The following BRSK2 variants were observed in gnomAD, a reference collection of about 807,000 sequenced individuals.
The protein encoded by BRSK2 is BR serine/threonine kinase 2, also known as serine/threonine-protein kinase BRSK2.
BRSK2 carries 19 observed loss-of-function variants against 83.3 expected under a neutral mutation model. The observed-to-expected ratio is 0.23, with a 90% CI of 0.16 to 0.33. The LOEUF is 0.33. Among genes scored for constraint, BRSK2 ranks in the 10% least tolerant of loss-of-function variants. The probability of loss-of-function intolerance (pLI) is 1.00; values close to 1 mark genes in which losing one functional copy is unlikely to be tolerated. For missense variants in BRSK2, 798 were observed against 1,042.3 expected (o/e 0.77, Z 3.23); for synonymous variants, 519 against 435.4 (o/e 1.19, Z -2.39).
At position 1,390,613 on chromosome 11, in the gene BRSK2, G is replaced by A. The variant is rs929301252; in HGVS notation, c.91+238G>A. Among the ~76,000 whole-genome samples, 1 of 146,704 alleles carries A rather than the reference G, an allele frequency of 6.8e-6. No individual in the cohort carries two copies. The highest frequency in any genetic ancestry group is 1.5e-5 in the Non-Finnish European group (1 of 65,970). On this transcript the variant is annotated intron_variant, in intron 1 of 19. Transcript: ENST00000528841. This position sits in a 1 kb window ranked among gnomAD's most constrained non-coding sequence, Gnocchi z 6.8. ...GGCCCAAGGACACGCGGCGCGGCGC[G>A]GGGCGCGCAGGCGGACAGGGGCGCA...
intron 12 of BRSK2, chr11:1,448,005 G>A (rs1331575559): frequency 4.7e-6 from 4 of 852,360 alleles, no homozygotes; most frequent in Non-Finnish European, 7.4e-6. Flanking sequence ...AGCAAGCCAG[G>A]CAAGGGCCCG....
chr11:1,447,532 C>T (rs919038236), intron 12 of BRSK2, among the ~76,000 whole-genome samples: 1 of 152,226 alleles, frequency 6.6e-6, no homozygotes, highest in Non-Finnish European at 1.5e-5. Flanking sequence ...CAGCAGAGAC[C>T]CAGCTGCTTG....
At chr11:1,424,448 A>C (rs921496168) in intron 1 of BRSK2, among the ~76,000 whole-genome samples, 1 of 152,152 alleles carries the variant, frequency 6.6e-6, no homozygotes, top group Non-Finnish European at 1.5e-5. Flanking sequence ...CCAGGCAGAC[A>C]GTGGAGGCTG....
rs1055196775 is a variant in BRSK2, at chr11:1,438,510, C to T, written c.272+119C>T. On this transcript the variant is annotated intron_variant, in intron 3 of 19. Coordinates refer to ENST00000528841, the MANE Select transcript of BRSK2 (RefSeq NM_001256627.2). The surrounding 1 kb of genome is among the most constrained non-coding windows in gnomAD (Gnocchi z 6.4). ...GAGGCCAGGGGCGCCTGCTGCATCCCAGCAGCCCTGGCCCTGCTAGCATGA... is the reference window on the plus strand; with the variant it reads ...GAGGCCAGGGGCGCCTGCTGCATCCTAGCAGCCCTGGCCCTGCTAGCATGA... 1 of 881,230 alleles carries T rather than the reference C, an allele frequency of 1.1e-6. No individual in the cohort carries two copies. The highest frequency in any genetic ancestry group is 1.8e-6 in the Non-Finnish European group (1 of 549,768). The allele number at this position is 881,230 out of a possible 1,614,324, so 54.6% of individuals were successfully genotyped here.
chr11:1,417,144 G>A lies in BRSK2; in HGVS notation c.92-18896G>A, dbSNP rs191335369. Among the ~76,000 whole-genome samples the A allele has an allele frequency of 2.0e-4, 30 of 152,236 alleles. No homozygotes were observed. The East Asian group carries it at 4.8e-3, about 24-fold the overall frequency. ...ACTGCACTCCACACTGGGGGATAAA[G>A]CGAGACTCCATCTCAGAAAAAAATA... On this transcript the variant is annotated intron_variant, in intron 1 of 19. Coordinates refer to ENST00000528841, the MANE Select transcript of BRSK2 (RefSeq NM_001256627.2).
rs1850698159 is a variant in BRSK2, at chr11:1,438,755, TCCCCAGC to T, written c.272+367_272+373del. Among the ~76,000 whole-genome samples the T allele has an allele frequency of 2.0e-5, 3 of 151,900 alleles. No individual in the cohort carries two copies. Among genetic ancestry groups the T allele is most frequent in the Admixed American group, 2.0e-4 (3 of 15,274 alleles). ...AGCCTCCTGGCCTCTGCCCAGGACG[TCCCCAGC>T]CCTGGGCAGTGAGCCATGTCTCTAT... is the stretch of plus-strand genomic sequence containing the variant. On this transcript the variant is annotated intron_variant, in intron 3 of 19. Coordinates refer to ENST00000528841, the MANE Select transcript of BRSK2 (RefSeq NM_001256627.2). This position sits in a 1 kb window ranked among gnomAD's most constrained non-coding sequence, Gnocchi z 6.4.
At chr11:1,458,492 G>A (rs1042822784) in intron 18 of BRSK2, among the ~76,000 whole-genome samples, 6 of 152,058 alleles carry the variant, frequency 3.9e-5, no homozygotes, top group African/African-American at 1.4e-4. Context: ...TTTGTCCAGT[G>A]AGCCCAGCTC....
At chr11:1,394,394 T>TC (rs1461214434) in intron 1 of BRSK2, among the ~76,000 whole-genome samples, 1 of 48,236 alleles carries the variant, frequency 2.1e-5, no homozygotes, top group Non-Finnish European at 3.6e-5. Flanking sequence ...TGGAGATGGG[T>TC]CCTGGAGATG....
chr11:1,402,889 C>T (rs369510295), intron 1 of BRSK2, among the ~76,000 whole-genome samples: 2 of 152,112 alleles, frequency 1.3e-5, no homozygotes, highest in South Asian at 2.1e-4. Context: ...ATGGAGGGCT[C>T]GGATCTGCTT....
At chr11:1,455,222 A>T (rs1327401274) in intron 16 of BRSK2, among the ~76,000 whole-genome samples, 1 of 152,034 alleles carries the variant, frequency 6.6e-6, no homozygotes, top group African/African-American at 2.4e-5. Flanking sequence ...GGACTCCAGC[A>T]CCCAGTCCCA....
At chr11:1,417,506 C>T (rs1346105916) in intron 1 of BRSK2, among the ~76,000 whole-genome samples, 1 of 150,568 alleles carries the variant, frequency 6.6e-6, no homozygotes, top group Non-Finnish European at 1.5e-5. Context: ...TTGGCTGTTT[C>T]TTCTCTTGAG....
chr11:1,391,919 A>T (rs560427370), intron 1 of BRSK2, among the ~76,000 whole-genome samples: 1 of 152,300 alleles, frequency 6.6e-6, no homozygotes, highest in East Asian at 1.9e-4. Context: ...TGCTGGCGGC[A>T]GTTAATTACG....
chr11:1,436,831 CG>C (rs575107280), intron 2 of BRSK2, among the ~76,000 whole-genome samples: 77 of 152,134 alleles, frequency 5.1e-4, no homozygotes, highest in African/African-American at 1.8e-3. Context: ...TGCAGGGCTG[CG>C]GGTGGGGCAG....
chr11:1,446,108 C>T (rs1439260355), intron 12 of BRSK2, among the ~76,000 whole-genome samples: 3 of 134,842 alleles, frequency 2.2e-5, no homozygotes, highest in Non-Finnish European at 4.6e-5. Context: ...CTGGGCTGGG[C>T]TGGGAGCTGA....
intron 1 of BRSK2, among the ~76,000 whole-genome samples, chr11:1,404,868 C>T (rs1406949902): frequency 6.6e-6 from 1 of 152,128 alleles, no homozygotes; most frequent in Non-Finnish European, 1.5e-5. Context: ...GGGCTCAGCA[C>T]TCCCGCTCTG....
chr11:1,440,954 C>T (rs1201500454), intron 4 of BRSK2, 26 bp downstream of exon 4: 3 of 1,596,370 alleles, frequency 1.9e-6, no homozygotes, highest in South Asian at 2.2e-5. Flanking sequence ...TGGTGCCCCC[C>T]ACTCCCCAGG....
intron 1 of BRSK2, among the ~76,000 whole-genome samples, chr11:1,425,910 G>A (rs777171670): frequency 5.5e-4 from 83 of 152,174 alleles, no homozygotes; most frequent in Non-Finnish European, 1.8e-4. Context: ...ACCTGCCCCG[G>A]GGCCAGTGCC....
intron 1 of BRSK2, among the ~76,000 whole-genome samples, chr11:1,405,609 G>T (rs937896648): frequency 2.6e-5 from 4 of 152,162 alleles, no homozygotes; most frequent in South Asian, 2.1e-4. Context: ...GACCAGCGGC[G>T]CCAGCTACCC....
chr11:1,453,201 C>T (rs1384511474), intron 15 of BRSK2, among the ~76,000 whole-genome samples: 2 of 152,244 alleles, frequency 1.3e-5, no homozygotes, highest in Non-Finnish European at 2.9e-5. Flanking sequence ...GACTAGTGTC[C>T]GGCCAGGCTG....
Sources: gnomAD v4.1 joint callset for allele counts (sites outside exome capture counted in the v4.1 genomes callset) on GRCh38, gnomAD v4.1.1 for gene constraint, Gnocchi (gnomAD v3.1) non-coding constraint, MANE v1.5 for transcripts, NCBI Gene and HGNC (gene_info 2026-07-23, HGNC 2026-07-21) for gene names.